Variants in AGBL1 observed in about 807,000 individuals in gnomAD.
The protein encoded by AGBL1 is AGBL carboxypeptidase 1.
A neutral mutation model predicts 118.9 loss-of-function variants in AGBL1; 130 were observed. The ratio of observed to expected loss-of-function variants is 1.09; its 90% confidence interval spans 0.95 to 1.26. The LOEUF (loss-of-function observed/expected upper bound fraction) is 1.26, where lower values mean the gene tolerates loss of function less well. AGBL1 is among the 50% of genes most tolerant of loss of function. The probability of loss-of-function intolerance (pLI) is 0.00; values close to 1 mark genes in which losing one functional copy is unlikely to be tolerated. For missense variants in AGBL1, 1,584 were observed against 1,298.1 expected, an observed-to-expected ratio of 1.22 and a Z score of -3.38; for synonymous variants, 555 against 478.9, an observed-to-expected ratio of 1.16 and a Z score of -2.08.
At position 86,479,749 on chromosome 15, in the gene AGBL1, G is replaced by A. The variant is rs573914715; in HGVS notation, c.2556-43061G>A. On this transcript the variant is annotated intron_variant, in intron 18 of 22. Coordinates refer to ENST00000614907, the MANE Select transcript of AGBL1 (RefSeq NM_001386094.1). ...CCCATTACTGGGTATATACCCAAAA[G>A]ATTATAAATCATGCTGCTATAAAGA... Among the ~76,000 whole-genome samples the A allele has an allele frequency of 1.8e-4, 27 of 152,304 alleles. No homozygotes were observed. In the East Asian group the frequency reaches 4.4e-3, roughly 25 times the overall value.
chr15:86,545,855 G>T (rs2083572676), intron 19 of AGBL1, 147 bp from the exon 20 acceptor site: 3 of 901,492 alleles, frequency 3.3e-6, no homozygotes, highest in Non-Finnish European at 5.0e-6. Context: ...TCCGCACATG[G>T]CTGGTCTGCT....
intron 18 of AGBL1, among the ~76,000 whole-genome samples, chr15:86,466,637 C>A (rs935449611): frequency 1.3e-5 from 2 of 152,172 alleles, no homozygotes; most frequent in Non-Finnish European, 2.9e-5. Flanking sequence ...GATTTATCTA[C>A]CTTTGGTGTT....
intron 18 of AGBL1, among the ~76,000 whole-genome samples, chr15:86,469,989 A>G (rs1596154448): frequency 6.6e-6 from 1 of 152,176 alleles, no homozygotes; most frequent in East Asian, 1.9e-4. Flanking sequence ...TTACAGATGT[A>G]TGGTATATAA....
intron 18 of AGBL1, among the ~76,000 whole-genome samples, chr15:86,425,292 A>G (rs1305108939): frequency 6.6e-6 from 1 of 152,038 alleles, no homozygotes; most frequent in Non-Finnish European, 1.5e-5. Flanking sequence ...CACAGAAACA[A>G]AAAACCAAAC....
intron 22 of AGBL1, among the ~76,000 whole-genome samples, chr15:86,854,694 T>A (rs1043047244): frequency 1.3e-5 from 2 of 152,164 alleles, no homozygotes; most frequent in Non-Finnish European, 2.9e-5. Flanking sequence ...CAAAGGCCAT[T>A]GATAAATGTT....
intron 22 of AGBL1, among the ~76,000 whole-genome samples, chr15:86,682,467 G>A (rs149739016): frequency 1.3e-5 from 2 of 152,260 alleles, no homozygotes; most frequent in African/African-American, 4.8e-5. Context: ...TGTGAAGAAA[G>A]AGGTTTAATA....
chr15:86,369,561 T>G (rs1283562593), intron 17 of AGBL1, among the ~76,000 whole-genome samples: 1 of 152,166 alleles, frequency 6.6e-6, no homozygotes, highest in Non-Finnish European at 1.5e-5. Flanking sequence ...AATGAGTGTG[T>G]GTATGTAACC....
At chr15:86,642,973 G>A (rs535827750) in intron 21 of AGBL1, among the ~76,000 whole-genome samples, 24 of 152,208 alleles carry the variant, frequency 1.6e-4, no homozygotes, top group African/African-American at 4.1e-4. Flanking sequence ...GCGAGTTTGG[G>A]GTTTTGAGAT....
At chr15:86,341,647 C>G (rs1348037316) in intron 17 of AGBL1, among the ~76,000 whole-genome samples, 2 of 152,264 alleles carry the variant, frequency 1.3e-5, no homozygotes, top group Admixed American at 1.3e-4. Flanking sequence ...GCCCTTTCCT[C>G]ATGTGTATCA....
At chr15:86,720,896 T>C (rs930727578) in intron 22 of AGBL1, among the ~76,000 whole-genome samples, 2 of 152,160 alleles carry the variant, frequency 1.3e-5, no homozygotes, top group Admixed American at 1.3e-4. Flanking sequence ...CTGGAAAATC[T>C]AGAAGAAATG....
intron 22 of AGBL1, among the ~76,000 whole-genome samples, chr15:86,694,550 G>C (rs1304181240): frequency 6.6e-6 from 1 of 151,974 alleles, no homozygotes; most frequent in African/African-American, 2.4e-5. Context: ...AACAGCAATA[G>C]TTTGACTTTT....
chr15:86,249,390 A>T (rs2078772148), intron 7 of AGBL1, among the ~76,000 whole-genome samples: 1 of 152,170 alleles, frequency 6.6e-6, no homozygotes, highest in African/African-American at 2.4e-5. Context: ...CTCATTAAAA[A>T]ATGGTCTTTT....
chr15:86,541,326 G>T (rs2083491368), intron 19 of AGBL1, among the ~76,000 whole-genome samples: 1 of 152,158 alleles, frequency 6.6e-6, no homozygotes, highest in African/African-American at 2.4e-5. Context: ...AATTGCCAGG[G>T]TGTGGCTCAG....
At chr15:86,084,012 T>A (rs1006792552) in intron 1 of AGBL1, among the ~76,000 whole-genome samples, 1 of 152,186 alleles carries the variant, frequency 6.6e-6, no homozygotes, top group Non-Finnish European at 1.5e-5. Context: ...TCTGGGTTTG[T>A]TGGAGATACC....
chr15:86,381,812 A>T lies in AGBL1; in HGVS notation c.2375-15554A>T, dbSNP rs143719712. Among the ~76,000 whole-genome samples the T allele has an allele frequency of 5.6e-3, 858 of 152,170 alleles. 6 individuals carry two copies. The highest frequency in any genetic ancestry group is 0.018 in the African/African-American group (735 of 41,508). On this transcript the variant is annotated intron_variant, in intron 17 of 22. Transcript: ENST00000614907. ...AACAGAGCATATTGAACCAAATTGT[A>T]CTGTGGGGGTGCAGGTGGGGGTCTG...
At chr15:86,657,539 C>T (rs569285550) in intron 21 of AGBL1, among the ~76,000 whole-genome samples, 2 of 152,106 alleles carry the variant, frequency 1.3e-5, no homozygotes, top group East Asian at 3.9e-4. Flanking sequence ...AATCCATTGC[C>T]CCATGGGTTG....
At chr15:86,345,782 T>C (rs1026098926) in intron 17 of AGBL1, among the ~76,000 whole-genome samples, 1 of 152,216 alleles carries the variant, frequency 6.6e-6, no homozygotes, top group Non-Finnish European at 1.5e-5. Flanking sequence ...CCATCTTCAG[T>C]GAGTGAATGC....
In AGBL1 at chr15:86,529,659, G is replaced by A. The variant is rs2083321228; in HGVS notation, c.2685+6720G>A. Among the ~76,000 whole-genome samples the A allele has an allele frequency of 4.1e-5, 6 of 145,420 alleles. No homozygotes were observed. In the South Asian group the frequency reaches 1.3e-3, roughly 32 times the overall value. On this transcript the variant is annotated intron_variant, in intron 19 of 22. Coordinates refer to ENST00000614907, the MANE Select transcript of AGBL1 (RefSeq NM_001386094.1). The stretch of plus-strand genomic sequence containing the variant: ...GCAACTCCAAGACACATAATTGTCA[G>A]ATTCACCAAAGTTGAAATGAAGGAA...
chr15:86,340,880 T>A (rs145160575), intron 17 of AGBL1, among the ~76,000 whole-genome samples: 1 of 152,130 alleles, frequency 6.6e-6, no homozygotes, highest in Non-Finnish European at 1.5e-5. Flanking sequence ...TAAGCCTGCA[T>A]TGGTACCACT....
Sources: allele counts gnomAD v4.1 joint callset (sites outside exome capture counted in the v4.1 genomes callset), GRCh38; gene constraint gnomAD v4.1.1; transcripts MANE v1.5; gene names NCBI Gene and HGNC (gene_info 2026-07-23, HGNC 2026-07-21).